The following CDH4 variants were observed in gnomAD, a reference collection of about 807,000 sequenced individuals.
CDH4 encodes cadherin-4.
CDH4 carries 33 observed loss-of-function variants against 86.0 expected under a neutral mutation model. The ratio of observed to expected loss-of-function variants is 0.38; its 90% confidence interval spans 0.29 to 0.51. CDH4 has a LOEUF of 0.51. Among genes scored for constraint, CDH4 ranks in the 20% least tolerant of loss-of-function variants. The pLI, the probability that CDH4 is intolerant of heterozygous loss-of-function variation, is 0.86. For missense variants in CDH4, 1,114 were observed against 1,307.4 expected (o/e 0.85, Z 2.28); for synonymous variants, 555 against 549.4 (o/e 1.01, Z -0.14).
chr20:61,830,922 GCAGTTA>G (rs1221298825), intron 4 of CDH4, among the ~76,000 whole-genome samples: 1 of 152,226 alleles, frequency 6.6e-6, no homozygotes, highest in Non-Finnish European at 1.5e-5. Flanking sequence ...ACCCGCTGCT[GCAGTTA>G]GGAAATTGAA....
intron 2 of CDH4, among the ~76,000 whole-genome samples, chr20:61,551,010 C>A (rs1424240313): frequency 6.6e-6 from 1 of 152,218 alleles, no homozygotes. Flanking sequence ...CTCTGCCACC[C>A]ACTAGTCTTG....
At chr20:61,521,103 A>C (rs1430786224) in intron 2 of CDH4, among the ~76,000 whole-genome samples, 2 of 152,174 alleles carry the variant, frequency 1.3e-5, no homozygotes, top group Admixed American at 6.5e-5. Context: ...CGATCATCCC[A>C]TCAGAAAGGA....
intron 2 of CDH4, among the ~76,000 whole-genome samples, chr20:61,630,342 G>A (rs913307202): frequency 5.9e-5 from 9 of 152,208 alleles, no homozygotes; most frequent in African/African-American, 2.2e-4. Context: ...GCTCACACCA[G>A]CCACTGGGGC....
chr20:61,912,930 G>A (rs2054866029), intron 9 of CDH4, among the ~76,000 whole-genome samples: 1 of 152,186 alleles, frequency 6.6e-6, no homozygotes, highest in Non-Finnish European at 1.5e-5. Flanking sequence ...TGCTTTGCTG[G>A]CAACGTTGCT....
chr20:61,841,532 G>A lies in CDH4; in HGVS notation c.577-3136G>A, dbSNP rs777261756. Reference sequence around the variant, plus strand: ...TGCTGGTGGCCTTGGGCAGTAGAGGGAGGGGTGATTAAGGCTCCGTTGGAG... The same window carrying A: ...TGCTGGTGGCCTTGGGCAGTAGAGGAAGGGGTGATTAAGGCTCCGTTGGAG... On this transcript the variant is annotated intron_variant, in intron 4 of 15. Coordinates refer to ENST00000614565, the MANE Select transcript of CDH4 (RefSeq NM_001794.5). Among the ~76,000 whole-genome samples, 4 of 152,234 alleles carry A rather than the reference G, an allele frequency of 2.6e-5. No individual in the cohort carries two copies. The South Asian group carries it at 8.3e-4, about 32-fold the overall frequency.
intron 4 of CDH4, among the ~76,000 whole-genome samples, chr20:61,825,459 T>C (rs1330128975): frequency 6.6e-6 from 1 of 152,076 alleles, no homozygotes; most frequent in East Asian, 1.9e-4. Context: ...AGTCTCTAGC[T>C]CTTGCCCCAA....
At chr20:61,686,409 G>A (rs1348922057) in intron 2 of CDH4, among the ~76,000 whole-genome samples, 1 of 151,666 alleles carries the variant, frequency 6.6e-6, no homozygotes. Context: ...ACGTGTGTAT[G>A]TGCCTGTACA....
intron 2 of CDH4, among the ~76,000 whole-genome samples, chr20:61,418,818 G>A (rs2085161364): frequency 6.6e-6 from 1 of 152,176 alleles, no homozygotes; most frequent in Non-Finnish European, 1.5e-5. Context: ...GCTGCAGTGA[G>A]CTGTGATTAT....
intron 2 of CDH4, among the ~76,000 whole-genome samples, chr20:61,332,177 A>G (rs1182977708): frequency 6.6e-6 from 1 of 151,966 alleles, no homozygotes; most frequent in Non-Finnish European, 1.5e-5. Flanking sequence ...CGTGGCCCTC[A>G]CTCCTCCAGG....
intron 2 of CDH4, among the ~76,000 whole-genome samples, chr20:61,505,306 A>G (rs927246561): frequency 2.6e-5 from 4 of 152,138 alleles, no homozygotes; most frequent in African/African-American, 7.2e-5. Flanking sequence ...GGAACCCTGA[A>G]CCCTCTGAAT....
chr20:61,278,678 G>A (rs954812082), intron 2 of CDH4, among the ~76,000 whole-genome samples: 2 of 152,230 alleles, frequency 1.3e-5, no homozygotes, highest in Non-Finnish European at 2.9e-5. Flanking sequence ...GAGGCCATTT[G>A]GCAGGGACTT....
At chr20:61,459,260 C>G (rs934486742) in intron 2 of CDH4, among the ~76,000 whole-genome samples, 6 of 151,996 alleles carry the variant, frequency 3.9e-5, no homozygotes, top group African/African-American at 1.4e-4. Context: ...CCATGCTGGT[C>G]AAACACAAAG....
At chr20:61,677,469 G>A (rs2087455662) in intron 2 of CDH4, among the ~76,000 whole-genome samples, 1 of 152,148 alleles carries the variant, frequency 6.6e-6, no homozygotes. Flanking sequence ...GTTATAGTTG[G>A]TGTCAATGTA....
At chr20:61,367,649 A>C (rs182801256) in intron 2 of CDH4, among the ~76,000 whole-genome samples, 35 of 152,302 alleles carry the variant, frequency 2.3e-4, no homozygotes, top group Middle Eastern at 3.4e-3. Flanking sequence ...ACTGAAGTAA[A>C]TAGAGGAGAA....
intron 2 of CDH4, among the ~76,000 whole-genome samples, chr20:61,470,887 C>T (rs2085498267): frequency 1.3e-5 from 2 of 152,136 alleles, no homozygotes; most frequent in African/African-American, 4.8e-5. Context: ...GGATAAATAC[C>T]ACTTGATCAT....
In CDH4 at chr20:61,910,564, G is replaced by A. The variant is rs762951312; in HGVS notation, c.1331G>A (p.Arg444His). ...SGDPSGHFSVRTDPVTNEGMV... is the reference protein window; with the variant it reads ...SGDPSGHFSVHTDPVTNEGMV... The stretch of plus-strand genomic sequence containing the variant: ...GATCCATCCGGGCACTTCAGCGTCC[G>A]CACAGACCCCGTAACCAACGAGGGC... The change falls in exon 9 of 16, where the codon CGC becomes CAC. Residue 444 changes from arginine to histidine, a missense_variant. By Grantham distance (29) the Arg-to-His change is conservative. Transcript: ENST00000614565. The A allele has an allele frequency of 1.3e-5, 21 of 1,613,866 alleles. No individual in the cohort carries two copies. Among genetic ancestry groups the A allele is most frequent in the Middle Eastern group, 3.3e-4 (2 of 6,062 alleles).
chr20:61,427,102 T>C (rs1380616493), intron 2 of CDH4, among the ~76,000 whole-genome samples: 1 of 152,226 alleles, frequency 6.6e-6, no homozygotes, highest in African/African-American at 2.4e-5. Context: ...CAGGCTGACA[T>C]CTTTGGAACA....
intron 2 of CDH4, among the ~76,000 whole-genome samples, chr20:61,558,994 G>A (rs983419739): frequency 2.6e-5 from 4 of 152,308 alleles, no homozygotes; most frequent in African/African-American, 9.6e-5. Flanking sequence ...TTCCTGTTAG[G>A]CAGACCTGAA....
intron 2 of CDH4, among the ~76,000 whole-genome samples, chr20:61,547,994 G>A (rs1394178998): frequency 2.6e-5 from 4 of 152,176 alleles, no homozygotes; most frequent in Admixed American, 2.6e-4. Context: ...TGAGGGGAGG[G>A]GGAGGCCTTT....
Sources: gnomAD v4.1 joint callset for allele counts (sites outside exome capture counted in the v4.1 genomes callset) on GRCh38, gnomAD v4.1.1 for gene constraint, MANE v1.5 for transcripts, NCBI Gene and HGNC (gene_info 2026-07-23, HGNC 2026-07-21) for gene names.